The following WWP1 variants were observed in gnomAD, a reference collection of about 807,000 sequenced individuals.
WWP1 encodes the protein NEDD4-like E3 ubiquitin-protein ligase WWP1.
In WWP1, 49 loss-of-function variants were observed where a neutral mutation model predicts 130.6. The observed-to-expected ratio is 0.38, with a 90% CI of 0.30 to 0.48. The LOEUF (loss-of-function observed/expected upper bound fraction) is 0.48. Ranked by LOEUF, WWP1 falls within the 20% of genes least tolerant of loss-of-function variation. WWP1 has a pLI of 0.99. For synonymous variants in WWP1, 332 were observed against 367.8 expected, an observed-to-expected ratio of 0.90 and a Z score of 1.11; for missense variants, 809 against 1,100.6, an observed-to-expected ratio of 0.74 and a Z score of 3.75.
chr8:86,411,948 C>A, intron 9 of WWP1, 74 bp downstream of exon 9: 1 of 1,341,980 alleles, frequency 7.5e-7, no homozygotes, highest in South Asian at 1.5e-5. Context: ...TGAATGTGTG[C>A]ATAAAATGTT....
chr8:86,354,994 T>A (rs1057479458), intron 1 of WWP1, among the ~76,000 whole-genome samples: 25 of 152,176 alleles, frequency 1.6e-4, no homozygotes, highest in Non-Finnish European at 2.9e-4. Context: ...TTATCCTCAT[T>A]TGACAGACAG....
At chr8:86,439,474 T>G (rs1810481542) in intron 17 of WWP1, among the ~76,000 whole-genome samples, 1 of 152,106 alleles carries the variant, frequency 6.6e-6, no homozygotes. Flanking sequence ...AGATTACAGG[T>G]GTGAGGCACA....
intron 3 of WWP1, among the ~76,000 whole-genome samples, chr8:86,378,792 A>G (rs1824817170): frequency 6.6e-6 from 1 of 152,068 alleles, no homozygotes; most frequent in Non-Finnish European, 1.5e-5. Flanking sequence ...CGTATTTTGG[A>G]TGGATCTGTA....
At chr8:86,381,398 C>A in intron 4 of WWP1, 107 bp from the exon 5 acceptor site, 1 of 1,307,912 alleles carries the variant, frequency 7.6e-7, no homozygotes, top group Non-Finnish European at 1.0e-6. Flanking sequence ...ATGAAATTCA[C>A]GGTTTTTAAA....
chr8:86,361,169 G>A (rs1420278557), intron 1 of WWP1, among the ~76,000 whole-genome samples: 2 of 152,146 alleles, frequency 1.3e-5, no homozygotes, highest in Admixed American at 6.5e-5. Context: ...TGAAGAGTGG[G>A]GCAGGAAGAC....
intron 9 of WWP1, among the ~76,000 whole-genome samples, chr8:86,414,890 T>TCCCCCCCCCCCCC (rs1222505171): frequency 5.3e-5 from 5 of 94,812 alleles, no homozygotes; most frequent in African/African-American, 1.4e-4. Flanking sequence ...CCCCCCCCCA[T>TCCCCCCCCCCCCC]CCCCCCACCC....
At chr8:86,383,072 G>A (rs1336037214) in intron 5 of WWP1, among the ~76,000 whole-genome samples, 3 of 152,100 alleles carry the variant, frequency 2.0e-5, no homozygotes, top group African/African-American at 4.8e-5. Flanking sequence ...ATAATAATTA[G>A]AACTAGTAAT....
chr8:86,356,809 A>G (rs1823284061), intron 1 of WWP1, among the ~76,000 whole-genome samples: 1 of 152,116 alleles, frequency 6.6e-6, no homozygotes, highest in Non-Finnish European at 1.5e-5. Context: ...AGTTGGTGTA[A>G]TCTATTTTAA....
intron 1 of WWP1, among the ~76,000 whole-genome samples, chr8:86,345,758 C>G (rs1586221388): frequency 6.6e-6 from 1 of 152,102 alleles, no homozygotes; most frequent in Non-Finnish European, 1.5e-5. Flanking sequence ...CTTCTGTGTA[C>G]TGATAAGAAC....
chr8:86,389,861 C>T (rs1420533513), intron 5 of WWP1, among the ~76,000 whole-genome samples: 6 of 150,658 alleles, frequency 4.0e-5, no homozygotes, highest in African/African-American at 1.2e-4. Context: ...CCAGATGGGG[C>T]GGCTGGCCGG....
Position 86,381,465 on chromosome 8 carries a change from G to A in WWP1, c.210-40G>A, listed in dbSNP as rs138427288. On this transcript the variant is annotated intron_variant, in intron 4 of 24. Transcript: ENST00000517970. The stretch of plus-strand genomic sequence containing the variant: ...TGTTACTTATTAATAGAATGACAAC[G>A]TCTACTCCTGTATTTTTGTTAATAA... 646 of 1,582,386 alleles carry A rather than the reference G, an allele frequency of 4.1e-4. 6 individuals carry two copies. In the African/African-American group the frequency reaches 7.1e-3, roughly 17 times the overall value.
chr8:86,398,601 C>A lies in WWP1; in HGVS notation c.502C>A (p.His168Asn). 6.2e-7 allele frequency: 1 copy of A among 1,612,714 alleles called. No homozygotes were observed. ...AATACAGGAAAATGGTGATGCCTTA[C>A]ATGAAAATGGAGAGCCTTCAGCAAG... ...IEIQENGDAL[H>N]ENGEPSARTT... The change falls in exon 7 of 25, where the codon CAT (histidine) becomes AAT (asparagine). Residue 168 changes from histidine (H) to asparagine (N), a missense_variant. This residue lies in a region of WWP1 where 262 missense variants were observed against 346.0 expected (regional missense o/e 0.76). Coordinates refer to ENST00000517970, the MANE Select transcript of WWP1 (RefSeq NM_007013.4).
chr8:86,389,997 C>T (rs866712618), intron 5 of WWP1, among the ~76,000 whole-genome samples: 14 of 149,518 alleles, frequency 9.4e-5, no homozygotes, highest in East Asian at 8.1e-4. Flanking sequence ...CCGGCAGAGA[C>T]GCTCCTCACC....
Position 86,466,802 on chromosome 8 carries a change from G to A in WWP1, c.2678G>A (p.Arg893His), listed in dbSNP as rs755897749. The A allele has an allele frequency of 7.6e-6, 12 of 1,571,200 alleles. No individual in the cohort carries two copies. Among genetic ancestry groups the A allele is most frequent in the Admixed American group, 4.1e-5 (2 of 49,344 alleles). The change falls in exon 25 of 25, where the codon CGC (arginine) becomes CAC (histidine). Residue 893 changes from arginine (R) to histidine (H), a missense_variant. By Grantham distance (29) the Arg-to-His change is conservative. Transcript: ENST00000517970. ...WLPRSHTCFNRLDLPPYKSYE... is the reference protein window; with the variant it reads ...WLPRSHTCFNHLDLPPYKSYE... ...TTTTTGTTTCTGTTCAGTTTTAATC[G>A]CTTGGATCTACCACCATATAAGAGT...
At chr8:86,370,852 A>ATTTTT (rs1563472827) in intron 2 of WWP1, among the ~76,000 whole-genome samples, 1 of 60,638 alleles carries the variant, frequency 1.6e-5, no homozygotes, top group African/African-American at 7.8e-5. Context: ...AGCTATATTC[A>ATTTTT]TTCTTTTTTT....
rs777777787 is a variant in WWP1 at position 86,452,585 on chromosome 8, G to C, written c.2300G>C (p.Arg767Pro). 1 of 1,606,536 alleles carries C rather than the reference G, an allele frequency of 6.2e-7. No homozygotes were observed. Among genetic ancestry groups the C allele is most frequent in the Non-Finnish European group, 8.5e-7 (1 of 1,177,246 alleles). Reference sequence around the variant, plus strand: ...TTAATGACAGAATGGCGTTTTTCTCGAGGAGTACAAGAACAGACCAAAGCT... The same window carrying C: ...TTAATGACAGAATGGCGTTTTTCTCCAGGAGTACAAGAACAGACCAAAGCT... Reference protein sequence around the residue: ...IGLMTEWRFSRGVQEQTKAFL... With the variant: ...IGLMTEWRFSPGVQEQTKAFL... The change falls in exon 21 of 25, where the codon CGA (arginine) becomes CCA (proline). Residue 767 changes from arginine to proline, a missense_variant. By Grantham distance (103) the Arg-to-Pro change is moderately radical. Coordinates refer to ENST00000517970, the MANE Select transcript of WWP1 (RefSeq NM_007013.4).
intron 1 of WWP1, among the ~76,000 whole-genome samples, chr8:86,362,953 G>A (rs987371617): frequency 3.3e-5 from 5 of 151,882 alleles, no homozygotes; most frequent in East Asian, 1.9e-4. Context: ...ATTGTTTCTC[G>A]TATTTAATAT....
intron 1 of WWP1, among the ~76,000 whole-genome samples, chr8:86,347,587 C>A (rs1822658012): frequency 6.6e-6 from 1 of 152,178 alleles, no homozygotes; most frequent in Admixed American, 6.5e-5. Context: ...AATCTCACTG[C>A]AGTGGCTATT....
chr8:86,429,944 A>G (rs923924927), intron 11 of WWP1, among the ~76,000 whole-genome samples: 1 of 152,150 alleles, frequency 6.6e-6, no homozygotes, highest in African/African-American at 2.4e-5. Context: ...TACACCTGTA[A>G]TCCCAGCACT....
Sources: gnomAD v4.1 joint callset for allele counts (sites outside exome capture counted in the v4.1 genomes callset) on GRCh38, gnomAD v4.1.1 for gene constraint, gnomAD v4.1.1 regional missense constraint, MANE v1.5 for transcripts, NCBI Gene and HGNC (gene_info 2026-07-23, HGNC 2026-07-21) for gene names.